Variants in COL24A1 observed in about 807,000 individuals in gnomAD.
COL24A1 encodes collagen alpha-1(XXIV) chain.
COL24A1 carries 224 observed loss-of-function variants against 253.9 expected under a neutral mutation model. The ratio of observed to expected loss-of-function variants is 0.88; its 90% CI spans 0.79 to 0.99. The LOEUF is 0.99. COL24A1 is among the 50% of genes least tolerant of loss of function. The probability of loss-of-function intolerance (pLI) is 0.00; values close to 1 mark genes in which losing one functional copy is unlikely to be tolerated. For synonymous variants in COL24A1, 685 were observed against 673.7 expected (o/e 1.02, Z -0.26); for missense variants, 2,131 against 2,068.5 (o/e 1.03, Z -0.59).
chr1:85,811,842 A>C (rs1672576913), intron 47 of COL24A1, among the ~76,000 whole-genome samples: 1 of 152,340 alleles, frequency 6.6e-6, no homozygotes, highest in East Asian at 1.9e-4. Context: ...CAGCAGATTC[A>C]GGGTGTAAGT....
intron 19 of COL24A1, among the ~76,000 whole-genome samples, chr1:85,999,824 T>C (rs1558957001): frequency 6.6e-6 from 1 of 152,130 alleles, no homozygotes; most frequent in Non-Finnish European, 1.5e-5. Flanking sequence ...TTTGGTTGGT[T>C]CACCTGGGAG....
intron 24 of COL24A1, among the ~76,000 whole-genome samples, chr1:85,921,494 C>T (rs1225663987): frequency 1.3e-5 from 2 of 152,212 alleles, no homozygotes; most frequent in South Asian, 2.1e-4. Context: ...AAAATATTTG[C>T]TGTTCTGCAG....
chr1:85,840,652 T>C (rs1676507257), intron 42 of COL24A1, among the ~76,000 whole-genome samples: 1 of 152,134 alleles, frequency 6.6e-6, no homozygotes, highest in Admixed American at 6.5e-5. Context: ...TAGTCAAACA[T>C]GAACACAGAG....
chr1:86,105,774 G>A (rs1704924762), intron 5 of COL24A1, among the ~76,000 whole-genome samples: 1 of 152,170 alleles, frequency 6.6e-6, no homozygotes, highest in Admixed American at 6.5e-5. Context: ...TGGTTGAGGG[G>A]TCTCCTCCTG....
intron 1 of COL24A1, among the ~76,000 whole-genome samples, chr1:86,147,713 C>T (rs954787831): frequency 1.3e-5 from 2 of 152,158 alleles, no homozygotes; most frequent in Non-Finnish European, 2.9e-5. Context: ...GCAGATTGTA[C>T]GTGTGCCAAA....
intron 24 of COL24A1, among the ~76,000 whole-genome samples, chr1:85,935,245 G>C (rs527665375): frequency 8.4e-6 from 1 of 119,616 alleles, no homozygotes; most frequent in East Asian, 3.2e-4. Context: ...AACAAAAAGA[G>C]GAAAAGGCTA....
chr1:85,736,246 T>C, intron 58 of COL24A1: 1 of 453,794 alleles, frequency 2.2e-6, no homozygotes, highest in Non-Finnish European at 4.4e-6. Flanking sequence ...TGATTCCAAG[T>C]CTACTGTTCA....
intron 10 of COL24A1, among the ~76,000 whole-genome samples, chr1:86,057,392 A>G (rs1244582844): frequency 6.6e-6 from 1 of 152,230 alleles, no homozygotes; most frequent in Non-Finnish European, 1.5e-5. Context: ...ATTTATAGTG[A>G]TGCAAAAAGT....
At chr1:85,992,420 A>C (rs988976580) in intron 19 of COL24A1, among the ~76,000 whole-genome samples, 1 of 152,206 alleles carries the variant, frequency 6.6e-6, no homozygotes, top group Non-Finnish European at 1.5e-5. Flanking sequence ...TACCAAGTAG[A>C]GACCTTGCCT....
At chr1:85,822,665 T>G (rs1570757861) in intron 45 of COL24A1, among the ~76,000 whole-genome samples, 1 of 152,212 alleles carries the variant, frequency 6.6e-6, no homozygotes, top group Non-Finnish European at 1.5e-5. Flanking sequence ...ATGACAATGA[T>G]TCTTTGCTTG....
intron 24 of COL24A1, among the ~76,000 whole-genome samples, chr1:85,957,926 C>A (rs1021210976): frequency 6.6e-6 from 1 of 152,174 alleles, no homozygotes; most frequent in Non-Finnish European, 1.5e-5. Context: ...ATCTCACATA[C>A]CTTCTCCCTT....
chr1:85,865,207 T>C (rs1453322597), intron 37 of COL24A1, among the ~76,000 whole-genome samples: 2 of 152,120 alleles, frequency 1.3e-5, no homozygotes, highest in African/African-American at 4.8e-5. Flanking sequence ...TCTTATTTAT[T>C]TTGTAGGAAT....
At chr1:85,746,139 G>A (rs1480380658) in intron 55 of COL24A1, among the ~76,000 whole-genome samples, 1 of 151,450 alleles carries the variant, frequency 6.6e-6, no homozygotes, top group Non-Finnish European at 1.5e-5. Flanking sequence ...AATTATCTTA[G>A]AACAATGAAG....
At position 85,845,857 on chromosome 1, in the gene COL24A1, A is replaced by G. The variant is rs560836186; in HGVS notation, c.3462+1808T>C. 5.3e-5 allele frequency among the ~76,000 whole-genome samples: 8 copies of G among 152,102 alleles called. No homozygotes were observed. The East Asian group carries it at 1.5e-3, about 29-fold the overall frequency. ...AATATGTAAGCAGATTTGAGTAAAT[A>G]AAAAGACATATGGTGTTTATAGAAA... On this transcript the variant is annotated intron_variant, in intron 39 of 59. Transcript: ENST00000370571.
chr1:85,924,755 C>G lies in COL24A1; in HGVS notation c.2563-13322G>C, dbSNP rs188537000. On this transcript the variant is annotated intron_variant, in intron 24 of 59. Coordinates refer to ENST00000370571, the MANE Select transcript of COL24A1 (RefSeq NM_152890.7). ...AAACTGGAAGCATTCCCTTTGAAAA[C>G]TGGCACAAGACAGAGATGCCCTCTC... 1.1e-3 allele frequency among the ~76,000 whole-genome samples: 167 copies of G among 152,294 alleles called. 1 individual carries two copies. Among genetic ancestry groups the G allele is most frequent in the African/African-American group, 3.8e-3 (156 of 41,562 alleles).
intron 50 of COL24A1, among the ~76,000 whole-genome samples, 154 bp from the exon 51 acceptor site, chr1:85,783,712 T>C (rs1406733225): frequency 6.6e-6 from 1 of 152,182 alleles, no homozygotes; most frequent in Non-Finnish European, 1.5e-5. Context: ...TACTGAGGCC[T>C]ACAATTTACT....
chr1:85,947,660 G>T (rs1689459439), intron 24 of COL24A1, among the ~76,000 whole-genome samples: 1 of 152,124 alleles, frequency 6.6e-6, no homozygotes, highest in African/African-American at 2.4e-5. Context: ...AAAAATCAGT[G>T]TAACTGATTG....
intron 19 of COL24A1, among the ~76,000 whole-genome samples, chr1:86,015,871 A>C (rs925753675): frequency 6.3e-5 from 9 of 143,446 alleles, no homozygotes; most frequent in African/African-American, 2.1e-4. Context: ...AGTTTTGAAG[A>C]CTCTACTTTT....
At chr1:86,143,351 T>C (rs1187952883) in intron 2 of COL24A1, among the ~76,000 whole-genome samples, 1 of 152,078 alleles carries the variant, frequency 6.6e-6, no homozygotes, top group Non-Finnish European at 1.5e-5. Context: ...CTTGGTGCGT[T>C]TGGGGGAAAA....
Sources: gnomAD v4.1 joint callset for allele counts (sites outside exome capture counted in the v4.1 genomes callset) on GRCh38, gnomAD v4.1.1 for gene constraint, MANE v1.5 for transcripts, NCBI Gene and HGNC (gene_info 2026-07-23, HGNC 2026-07-21) for gene names.